RAP1GAP2: variants seen among roughly 807,000 people sequenced by gnomAD.
The protein encoded by RAP1GAP2 is rap1 GTPase-activating protein 2.
Under a neutral mutation model 95.0 loss-of-function variants are expected in RAP1GAP2, and 27 were observed. The ratio of observed to expected loss-of-function variants is 0.28; its 90% CI spans 0.21 to 0.39. The LOEUF is 0.39. RAP1GAP2 is among the 10% of genes least tolerant of loss of function. The probability of loss-of-function intolerance (pLI) is 1.00; values close to 1 mark genes in which losing one functional copy is unlikely to be tolerated. For synonymous variants in RAP1GAP2, 373 were observed against 380.9 expected (o/e 0.98, Z 0.24); for missense variants, 771 against 970.0 (o/e 0.79, Z 2.72).
At chr17:2,936,582 T>G (rs2043318322) in intron 3 of RAP1GAP2, among the ~76,000 whole-genome samples, 1 of 152,070 alleles carries the variant, frequency 6.6e-6, no homozygotes, top group Non-Finnish European at 1.5e-5. Flanking sequence ...TTAACCTCTC[T>G]GAGCTTTAGT....
rs1271204024 is a variant in RAP1GAP2 at position 2,963,493 on chromosome 17, C to G, written c.279+31C>G. On this transcript the variant is annotated intron_variant, in intron 6 of 24. Coordinates refer to ENST00000254695, the MANE Select transcript of RAP1GAP2 (RefSeq NM_015085.5). This position sits in a 1 kb window ranked among gnomAD's most constrained non-coding sequence, Gnocchi z 4.8. ...TGCCCTCCCCTCACTCCCACCTGCCCTGCAGCCTGCTCTGGGTCCCGTCCC... is the reference window on the plus strand; with the variant it reads ...TGCCCTCCCCTCACTCCCACCTGCCGTGCAGCCTGCTCTGGGTCCCGTCCC... 2.5e-6 allele frequency: 4 copies of G among 1,613,486 alleles called. No homozygotes were observed. The highest frequency in any genetic ancestry group is 3.4e-6 in the Non-Finnish European group (4 of 1,179,492).
rs761804559 is a variant in RAP1GAP2, at chr17:2,995,564, C to T, written c.1044+98C>T. Reference sequence around the variant, plus strand: ...AAGAGGCTGTGGCCGTCCCCATATTCGTTCCCGTAGCCGGCCATTCGTTCA... The same window carrying T: ...AAGAGGCTGTGGCCGTCCCCATATTTGTTCCCGTAGCCGGCCATTCGTTCA... On this transcript the variant is annotated intron_variant, in intron 13 of 24. Coordinates refer to ENST00000254695, the MANE Select transcript of RAP1GAP2 (RefSeq NM_015085.5). The T allele has an allele frequency of 4.7e-5, 71 of 1,497,366 alleles. No homozygotes were observed. In the Middle Eastern group the frequency reaches 7.2e-4, roughly 15 times the overall value. The allele number at this position is 1,497,366 out of a possible 1,614,324, so 92.8% of individuals were successfully genotyped here.
intron 12 of RAP1GAP2, among the ~76,000 whole-genome samples, chr17:2,995,101 C>T (rs1361111923): frequency 6.6e-6 from 1 of 152,196 alleles, no homozygotes; most frequent in Non-Finnish European, 1.5e-5. Context: ...AGGCGTGAGC[C>T]ACTGCGCCCG....
In RAP1GAP2 at chr17:2,932,842, A is replaced by AAAAAAAGG. The variant is rs140254643; in HGVS notation, c.166-24916_166-24915insAAAAAGGA. Among the ~76,000 whole-genome samples the AAAAAAAGG allele has an allele frequency of 3.2e-4, 30 of 94,156 alleles. 7 individuals carry two copies. Among genetic ancestry groups the AAAAAAAGG allele is most frequent in the Middle Eastern group, 0.012 (1 of 86 alleles). The allele number at this position is 94,156 out of a possible 152,430, so 61.8% of individuals were successfully genotyped here. ...AAAAAAAGAAAAAAAAAAAAAAAAA[A>AAAAAAAGG]AGAGCAGGGACCACGGGCAGGGTAT... On this transcript the variant is annotated intron_variant, in intron 3 of 24. Coordinates refer to ENST00000254695, the MANE Select transcript of RAP1GAP2 (RefSeq NM_015085.5).
chr17:2,894,368 TG>T (rs1447202109), intron 2 of RAP1GAP2, among the ~76,000 whole-genome samples: 1 of 152,200 alleles, frequency 6.6e-6, no homozygotes, highest in Non-Finnish European at 1.5e-5. Flanking sequence ...AGGCGGAGCT[TG>T]CAGTGAGCCA....
intron 2 of RAP1GAP2, among the ~76,000 whole-genome samples, chr17:2,840,187 C>T (rs1231750169): frequency 6.6e-6 from 1 of 151,542 alleles, no homozygotes; most frequent in Non-Finnish European, 1.5e-5. Flanking sequence ...GATGGAGTCT[C>T]ACTCCATCTC....
chr17:3,028,082 A>G (rs1472877377), intron 22 of RAP1GAP2, among the ~76,000 whole-genome samples: 1 of 151,654 alleles, frequency 6.6e-6, no homozygotes, highest in Non-Finnish European at 1.5e-5. Flanking sequence ...CTTACTAGAC[A>G]TGTCATTGGG....
chr17:3,034,390 C>T lies in RAP1GAP2; in HGVS notation c.*1029C>T. The T allele has an allele frequency of 4.1e-6, 1 of 242,610 alleles. No individual in the cohort carries two copies. Among genetic ancestry groups the T allele is most frequent in the Non-Finnish European group, 8.4e-6 (1 of 118,840 alleles). 15.0% of individuals were successfully genotyped at this position (242,610 alleles called of 1,614,324 possible). The stretch of plus-strand genomic sequence containing the variant: ...TCGTTATCTCCCCTCCCCACTTACT[C>T]GAGGAGAGAGGTGAGGGGGGGATGA... On this transcript the variant is annotated 3_prime_UTR_variant, in exon 25 of 25. Transcript: ENST00000254695. The surrounding 1 kb of genome is among the most constrained non-coding windows in gnomAD (Gnocchi z 5.1).
Position 2,848,378 on chromosome 17 carries a change from G to A in RAP1GAP2, c.80+47828G>A, listed in dbSNP as rs531585522. Among the ~76,000 whole-genome samples the A allele has an allele frequency of 6.6e-5, 10 of 152,264 alleles. No individual in the cohort carries two copies. The South Asian group carries it at 1.9e-3, about 28-fold the overall frequency. On this transcript the variant is annotated intron_variant, in intron 2 of 24. Coordinates refer to ENST00000254695, the MANE Select transcript of RAP1GAP2 (RefSeq NM_015085.5). Reference sequence around the variant, plus strand: ...TCCTGGCCTGCGTTTATCACGGAACGACCCTATTGTGGTGGGATGGACCTC... The same window carrying A: ...TCCTGGCCTGCGTTTATCACGGAACAACCCTATTGTGGTGGGATGGACCTC...
intron 3 of RAP1GAP2, among the ~76,000 whole-genome samples, chr17:2,911,555 C>T (rs1222395835): frequency 6.6e-6 from 1 of 151,966 alleles, no homozygotes; most frequent in Non-Finnish European, 1.5e-5. Context: ...CAGTCCTCCA[C>T]CCTCAGAGAG....
chr17:2,814,612 C>T (rs987415074), intron 2 of RAP1GAP2, among the ~76,000 whole-genome samples: 4 of 152,100 alleles, frequency 2.6e-5, no homozygotes, highest in Non-Finnish European at 4.4e-5. Context: ...GGTCTGAGAC[C>T]GTGGGAGCCT....
At chr17:2,941,935 G>A (rs765448690) in intron 3 of RAP1GAP2, among the ~76,000 whole-genome samples, 10 of 152,006 alleles carry the variant, frequency 6.6e-5, no homozygotes, top group Admixed American at 1.3e-4. Flanking sequence ...CACCTGCCTC[G>A]GCCTCCCAAA....
Position 2,905,381 on chromosome 17 carries a change from G to C in RAP1GAP2, c.165+13G>C, listed in dbSNP as rs781613548. 3 of 1,611,850 alleles carry C rather than the reference G, an allele frequency of 1.9e-6. No homozygotes were observed. Among genetic ancestry groups the C allele is most frequent in the Admixed American group, 3.3e-5 (2 of 59,924 alleles). The stretch of plus-strand genomic sequence containing the variant: ...TCCCACCATGAAGGTAAGAGGCTTC[G>C]ATTCAGGAAGGCAGGGAGGGGAGAG... On this transcript the variant is annotated intron_variant, in intron 3 of 24. Transcript: ENST00000254695.
chr17:2,815,107 G>T (rs553369098), intron 2 of RAP1GAP2, among the ~76,000 whole-genome samples: 1 of 152,152 alleles, frequency 6.6e-6, no homozygotes, highest in South Asian at 2.1e-4. Flanking sequence ...CCCACCCTGG[G>T]GCTTGGGGAT....
At chr17:3,013,562 C>T (rs547994484) in intron 17 of RAP1GAP2, among the ~76,000 whole-genome samples, 26 of 151,840 alleles carry the variant, frequency 1.7e-4, no homozygotes, top group Admixed American at 1.4e-3. Context: ...CCGGCGGCTG[C>T]ACCAGGACTA....
intron 1 of RAP1GAP2, among the ~76,000 whole-genome samples, chr17:2,761,075 C>T (rs1021949817): frequency 4.6e-5 from 7 of 151,576 alleles, no homozygotes; most frequent in Non-Finnish European, 1.0e-4. Flanking sequence ...CTGCCTCAGC[C>T]TCCCGAGTAG....
intron 2 of RAP1GAP2, among the ~76,000 whole-genome samples, chr17:2,844,429 G>C (rs950528680): frequency 7.9e-5 from 12 of 152,268 alleles, no homozygotes; most frequent in Admixed American, 7.9e-4. Flanking sequence ...AAAGAGCTTT[G>C]ATTACAACAG....
rs1050769652 is a variant in RAP1GAP2 at position 3,003,697 on chromosome 17, G to A, written c.1201-1672G>A. Among the ~76,000 whole-genome samples the A allele has an allele frequency of 2.0e-5, 3 of 152,174 alleles. No individual in the cohort carries two copies. Among genetic ancestry groups the A allele is most frequent in the Non-Finnish European group, 4.4e-5 (3 of 68,030 alleles). On this transcript the variant is annotated intron_variant, in intron 14 of 24. Transcript: ENST00000254695. This position sits in a 1 kb window ranked among gnomAD's most constrained non-coding sequence, Gnocchi z 4.1. ...TCCCTCCCTCCAAGCCCTCGCTGGA[G>A]GCCCTCGCTGCATTTAGAAAACAGG...
chr17:2,767,494 A>T (rs1042929699), intron 1 of RAP1GAP2, among the ~76,000 whole-genome samples: 4 of 150,190 alleles, frequency 2.7e-5, no homozygotes, highest in African/African-American at 9.8e-5. Context: ...CCAGGAGGTG[A>T]CTTTTATTAG....
Sources: allele counts gnomAD v4.1 joint callset (sites outside exome capture counted in the v4.1 genomes callset), GRCh38; gene constraint gnomAD v4.1.1; non-coding constraint Gnocchi (gnomAD v3.1); transcripts MANE v1.5; gene names NCBI Gene and HGNC (gene_info 2026-07-23, HGNC 2026-07-21).